Variants in PIP5K1A observed in about 807,000 individuals in gnomAD.
The protein encoded by PIP5K1A is phosphatidylinositol 4-phosphate 5-kinase type-1 alpha.
A neutral mutation model predicts 72.9 loss-of-function variants in PIP5K1A; 46 were observed. The ratio of observed to expected loss-of-function variants is 0.63; its 90% CI spans 0.50 to 0.81. The LOEUF (loss-of-function observed/expected upper bound fraction) is 0.81. PIP5K1A is among the 30% of genes least tolerant of loss of function. The pLI, the probability that PIP5K1A is intolerant of heterozygous loss-of-function variation, is 0.00. For synonymous variants in PIP5K1A, 228 were observed against 255.1 expected (o/e 0.89, Z 1.01); for missense variants, 458 against 706.1 (o/e 0.65, Z 3.98).
chr1:151,246,278 C>T (rs1353546623), intron 14 of PIP5K1A, among the ~76,000 whole-genome samples: 1 of 152,118 alleles, frequency 6.6e-6, no homozygotes, highest in African/African-American at 2.4e-5. Flanking sequence ...ATCCCAGTTT[C>T]TGTACCTTAG....
chr1:151,200,577 G>T (rs587596398), intron 1 of PIP5K1A, among the ~76,000 whole-genome samples: 1 of 152,184 alleles, frequency 6.6e-6, no homozygotes, highest in Non-Finnish European at 1.5e-5. Context: ...TTGCGTTTTT[G>T]CTGTTTAGAA....
chr1:151,245,501 C>G (rs1414550861), intron 14 of PIP5K1A, among the ~76,000 whole-genome samples: 1 of 152,168 alleles, frequency 6.6e-6, no homozygotes, highest in Non-Finnish European at 1.5e-5. Flanking sequence ...GAGTCTCACT[C>G]TGTTGCCCAG....
At chr1:151,223,982 A>C in intron 1 of PIP5K1A, 1 of 538,672 alleles carries the variant, frequency 1.9e-6, no homozygotes. Context: ...AAAAAGAAAA[A>C]GTTATATTTC....
intron 1 of PIP5K1A, among the ~76,000 whole-genome samples, chr1:151,207,511 G>T (rs898124195): frequency 6.6e-6 from 1 of 151,402 alleles, no homozygotes; most frequent in South Asian, 2.1e-4. Context: ...GTTGCATAAA[G>T]GCTGTATGTT....
chr1:151,200,748 T>G (rs587760268), intron 1 of PIP5K1A, among the ~76,000 whole-genome samples: 3 of 152,178 alleles, frequency 2.0e-5, no homozygotes, highest in Non-Finnish European at 4.4e-5. Context: ...ATAAAAGTAT[T>G]AGGGGACCAG....
chr1:151,197,342 G>C (rs940233579), upstream of PIP5K1A, among the ~76,000 whole-genome samples: 3 of 151,890 alleles, frequency 2.0e-5, no homozygotes, highest in Non-Finnish European at 2.9e-5. Flanking sequence ...GCAGTGGCGC[G>C]ATCTCCGCTC....
chr1:151,242,523 T>C lies in PIP5K1A; in HGVS notation c.1596T>C (p.Ser532=). 6.2e-7 allele frequency: 1 copy of C among 1,613,952 alleles called. No individual in the cohort carries two copies. Residue 532 remains serine, a synonymous_variant, in exon 14 of 16, where the codon AGT becomes AGC. Transcript: ENST00000368888. ...ISEGSPIPDP[S]FSPLVGETLQ... ...AGGGCTCGCCTATTCCTGACCCCAG[T>C]TTCTCACCTCTAGTTGGAGAGACTT...
At chr1:151,241,982 C>T in intron 12 of PIP5K1A, 141 bp from the exon 13 acceptor site, 1 of 750,660 alleles carries the variant, frequency 1.3e-6, no homozygotes, top group Non-Finnish European at 2.3e-6. Flanking sequence ...ATTCATAGGC[C>T]TGTCTTTGTT....
intron 1 of PIP5K1A, chr1:151,224,011 T>G: frequency 1.8e-6 from 1 of 560,082 alleles, no homozygotes. Flanking sequence ...AATATGGATA[T>G]TTGAATAAGA....
At chr1:151,221,019 T>C (rs1175351291) in intron 1 of PIP5K1A, among the ~76,000 whole-genome samples, 2 of 152,226 alleles carry the variant, frequency 1.3e-5, no homozygotes, top group Non-Finnish European at 2.9e-5. Flanking sequence ...AAGGCTCTTT[T>C]CTCAGAAATG....
chr1:151,214,208 A>G (rs1270270583), intron 1 of PIP5K1A, among the ~76,000 whole-genome samples: 2 of 152,296 alleles, frequency 1.3e-5, no homozygotes, highest in South Asian at 2.1e-4. Context: ...GGATCTATGC[A>G]ATTATAGTTA....
intron 10 of PIP5K1A, 43 bp from the exon 11 acceptor site, chr1:151,239,087 A>G: frequency 6.9e-7 from 1 of 1,443,174 alleles, no homozygotes; most frequent in Non-Finnish European, 9.7e-7. Context: ...AAGGTCATTT[A>G]TTTAAAAATG....
Position 151,237,436 on chromosome 1 carries a change from G to A in PIP5K1A, c.1145+673G>A, listed in dbSNP as rs587651799. ...AACACTTTGGAAGGCTGAGGCAGGCGGATCACTTGAGTCCAGGAGTTTGAG... is the reference window on the plus strand; with the variant it reads ...AACACTTTGGAAGGCTGAGGCAGGCAGATCACTTGAGTCCAGGAGTTTGAG... On this transcript the variant is annotated intron_variant, in intron 9 of 15. Coordinates refer to ENST00000368888, the MANE Select transcript of PIP5K1A (RefSeq NM_001135638.2). Among the ~76,000 whole-genome samples the A allele has an allele frequency of 2.6e-5, 4 of 152,234 alleles. No homozygotes were observed. In the East Asian group the frequency reaches 5.8e-4, roughly 22 times the overall value.
chr1:151,201,567 A>G (rs1306233647), intron 1 of PIP5K1A, among the ~76,000 whole-genome samples: 1 of 151,806 alleles, frequency 6.6e-6, no homozygotes, highest in African/African-American at 2.4e-5. Flanking sequence ...TGTCAGCCAG[A>G]CTAGTCTTGA....
intron 1 of PIP5K1A, among the ~76,000 whole-genome samples, chr1:151,214,189 C>A (rs1687254051): frequency 6.6e-6 from 1 of 152,090 alleles, no homozygotes; most frequent in Non-Finnish European, 1.5e-5. Flanking sequence ...TAGATTCTTT[C>A]CAATAATGGG....
upstream of PIP5K1A, among the ~76,000 whole-genome samples, chr1:151,196,631 C>T (rs1199913098): frequency 1.4e-5 from 2 of 146,242 alleles, no homozygotes. Context: ...CTCGGCTCAC[C>T]GAAACGTCTG....
intron 1 of PIP5K1A, among the ~76,000 whole-genome samples, chr1:151,214,670 A>G (rs1319229694): frequency 7.2e-6 from 1 of 138,164 alleles, no homozygotes; most frequent in Non-Finnish European, 1.6e-5. Context: ...CGTGAGCCAC[A>G]GCACCTGGCC....
intron 1 of PIP5K1A, among the ~76,000 whole-genome samples, chr1:151,221,766 C>T (rs1299177046): frequency 6.6e-6 from 1 of 152,160 alleles, no homozygotes; most frequent in East Asian, 1.9e-4. Context: ...GAATCTCATT[C>T]TCTTTAAAAA....
chr1:151,234,182 C>A lies in PIP5K1A; in HGVS notation c.640-15C>A, dbSNP rs1416998899. On this transcript the variant is annotated splice_polypyrimidine_tract_variant and intron_variant, in intron 7 of 15. Transcript: ENST00000368888. ...TAAGTTGTTCTCCTACTTCTGTTTCCTTTTGTGTTCTCAGAACCTCAACCA... is the reference window on the plus strand; with the variant it reads ...TAAGTTGTTCTCCTACTTCTGTTTCATTTTGTGTTCTCAGAACCTCAACCA... 5 of 1,572,872 alleles carry A rather than the reference C, an allele frequency of 3.2e-6. No homozygotes were observed. Among genetic ancestry groups the A allele is most frequent in the Non-Finnish European group, 4.3e-6 (5 of 1,159,186 alleles).
Sources: gnomAD v4.1 joint callset for allele counts (sites outside exome capture counted in the v4.1 genomes callset) on GRCh38, gnomAD v4.1.1 for gene constraint, MANE v1.5 for transcripts, NCBI Gene and HGNC (gene_info 2026-07-23, HGNC 2026-07-21) for gene names.